GPC6: variants seen among roughly 807,000 people sequenced by gnomAD.
GPC6 encodes glypican-6.
In GPC6, 14 loss-of-function variants were observed where a neutral mutation model predicts 55.2. The observed-to-expected ratio is 0.25, with a 90% CI of 0.17 to 0.40. The LOEUF is 0.40. GPC6 is among the 10% of genes least tolerant of loss of function. GPC6 has a pLI of 1.00. For synonymous variants in GPC6, 278 were observed against 259.6 expected, an observed-to-expected ratio of 1.07 and a Z score of -0.68; for missense variants, 641 against 708.5, an observed-to-expected ratio of 0.90 and a Z score of 1.08.
At chr13:94,137,176 G>A (rs1297322215) in intron 4 of GPC6, among the ~76,000 whole-genome samples, 2 of 152,176 alleles carry the variant, frequency 1.3e-5, no homozygotes, top group African/African-American at 4.8e-5. Flanking sequence ...CATATCTGTA[G>A]GACATCTTGG....
At chr13:93,765,311 T>TGTCTGGAAAGACAACTTTCCCGATAAGC (rs1368557718) in intron 2 of GPC6, among the ~76,000 whole-genome samples, 1 of 34,084 alleles carries the variant, frequency 2.9e-5, no homozygotes. Flanking sequence ...GACAACTTAT[T>TGTCTGGAAAGACAACTTTCCCGATAAGC]TGGTTTAAGT....
intron 2 of GPC6, among the ~76,000 whole-genome samples, chr13:93,606,099 C>G (rs1402004769): frequency 3.3e-5 from 5 of 152,066 alleles, no homozygotes; most frequent in Non-Finnish European, 7.4e-5. Context: ...ATCATTAGAT[C>G]ATAGGAAGTC....
intron 3 of GPC6, among the ~76,000 whole-genome samples, chr13:93,981,951 T>C (rs1006240999): frequency 6.6e-6 from 1 of 152,178 alleles, no homozygotes; most frequent in African/African-American, 2.4e-5. Context: ...AAATATCTAA[T>C]AAATGATGTC....
At chr13:94,150,784 T>A (rs1448486599) in intron 4 of GPC6, among the ~76,000 whole-genome samples, 2 of 112,150 alleles carry the variant, frequency 1.8e-5, no homozygotes, top group African/African-American at 7.2e-5. Context: ...ATAAGTAGGA[T>A]CAAATGAAGC....
At chr13:93,939,267 A>G (rs1419753182) in intron 3 of GPC6, among the ~76,000 whole-genome samples, 1 of 151,224 alleles carries the variant, frequency 6.6e-6, no homozygotes, top group African/African-American at 2.4e-5. Flanking sequence ...ATGTTTTGAG[A>G]AAAATATTTG....
At chr13:93,662,754 T>C (rs145109823) in intron 2 of GPC6, among the ~76,000 whole-genome samples, 1 of 152,274 alleles carries the variant, frequency 6.6e-6, no homozygotes, top group African/African-American at 2.4e-5. Flanking sequence ...CAATTCCCTA[T>C]TTGCTTATGT....
intron 1 of GPC6, among the ~76,000 whole-genome samples, chr13:93,543,295 T>C (rs1311286683): frequency 1.3e-5 from 2 of 152,204 alleles, no homozygotes; most frequent in Non-Finnish European, 2.9e-5. Context: ...GTGGTTTTTG[T>C]CTTTGGTTCT....
At chr13:94,340,644 C>T (rs1421217975) in intron 6 of GPC6, among the ~76,000 whole-genome samples, 4 of 152,148 alleles carry the variant, frequency 2.6e-5, no homozygotes, top group Admixed American at 6.5e-5. Context: ...AAGGGTTCTA[C>T]GTAAATAAGA....
chr13:94,288,940 TAGA>T (rs375530820), intron 5 of GPC6, among the ~76,000 whole-genome samples: 264 of 117,700 alleles, frequency 2.2e-3, no homozygotes, highest in East Asian at 3.4e-3. Context: ...TATAGATAGA[TAGA>T]TAGATAGATA....
intron 2 of GPC6, among the ~76,000 whole-genome samples, chr13:93,781,450 G>A (rs1002717971): frequency 7.2e-5 from 11 of 152,130 alleles, no homozygotes; most frequent in African/African-American, 1.7e-4. Context: ...TTAAGGGATC[G>A]TTACAGGCAG....
chr13:93,710,853 A>G (rs1300483171), intron 2 of GPC6, among the ~76,000 whole-genome samples: 1 of 151,822 alleles, frequency 6.6e-6, no homozygotes, highest in East Asian at 1.9e-4. Flanking sequence ...ATTGTGCATA[A>G]CTTAAGTACT....
intron 4 of GPC6, among the ~76,000 whole-genome samples, chr13:94,126,609 A>G (rs1242859278): frequency 6.6e-6 from 1 of 152,152 alleles, no homozygotes; most frequent in Non-Finnish European, 1.5e-5. Flanking sequence ...TAGGCATTTA[A>G]TGTCATCTTC....
At chr13:93,248,232 A>AAC (rs1876667269) in intron 1 of GPC6, among the ~76,000 whole-genome samples, 2 of 152,176 alleles carry the variant, frequency 1.3e-5, no homozygotes, top group African/African-American at 4.8e-5. Context: ...GTTGATTTTT[A>AAC]CAACTGGAAT....
intron 4 of GPC6, among the ~76,000 whole-genome samples, chr13:94,183,244 A>G (rs1469996666): frequency 6.6e-6 from 1 of 152,070 alleles, no homozygotes; most frequent in Non-Finnish European, 1.5e-5. Flanking sequence ...GGTAATCTCT[A>G]TTCTATTTTC....
chr13:94,296,651 A>G (rs1875349883), intron 5 of GPC6, among the ~76,000 whole-genome samples: 1 of 152,234 alleles, frequency 6.6e-6, no homozygotes, highest in Non-Finnish European at 1.5e-5. Context: ...TGCCTCAGCC[A>G]GCCTACATGT....
chr13:94,364,948 AT>A (rs1320632938), intron 6 of GPC6, among the ~76,000 whole-genome samples: 4 of 152,208 alleles, frequency 2.6e-5, no homozygotes, highest in African/African-American at 9.6e-5. Context: ...AAGACCCAGA[AT>A]TTGAACTTGC....
rs1566425032 is a variant in GPC6, at chr13:93,562,109, A to C, written c.319+16688A>C. Among the ~76,000 whole-genome samples the C allele has an allele frequency of 3.3e-5, 5 of 152,074 alleles. No individual in the cohort carries two copies. In the South Asian group the frequency reaches 8.3e-4, roughly 25 times the overall value. On this transcript the variant is annotated intron_variant, in intron 2 of 8. Transcript: ENST00000377047. Reference sequence around the variant, plus strand: ...GCTGAAAGTTAATTTGCTGAATCCAAGTTTATTTTCCTGCTAAGCCATAGT... The same window carrying C: ...GCTGAAAGTTAATTTGCTGAATCCACGTTTATTTTCCTGCTAAGCCATAGT...
At chr13:93,724,866 C>A (rs1020288973) in intron 2 of GPC6, among the ~76,000 whole-genome samples, 19 of 152,064 alleles carry the variant, frequency 1.2e-4, no homozygotes, top group African/African-American at 4.6e-4. Context: ...AGAGATGTTA[C>A]ATCCGTATAA....
intron 6 of GPC6, among the ~76,000 whole-genome samples, chr13:94,306,988 G>C (rs1023614535): frequency 6.6e-6 from 1 of 152,132 alleles, no homozygotes; most frequent in Non-Finnish European, 1.5e-5. Flanking sequence ...TATAAACTTA[G>C]ATCTCAAAGA....
Sources: gnomAD v4.1 joint callset for allele counts (sites outside exome capture counted in the v4.1 genomes callset) on GRCh38, gnomAD v4.1.1 for gene constraint, MANE v1.5 for transcripts, NCBI Gene and HGNC (gene_info 2026-07-23, HGNC 2026-07-21) for gene names.